The following VTI1A variants were observed in gnomAD, a reference collection of about 807,000 sequenced individuals.
The protein encoded by VTI1A is vesicle transport through interaction with t-SNAREs homolog 1A.
In VTI1A, 22 loss-of-function variants were observed where a neutral mutation model predicts 34.9. That is an observed-to-expected ratio of 0.63 (90% CI 0.45 to 0.90). The LOEUF is 0.90. Ranked by LOEUF, VTI1A falls within the 40% of genes least tolerant of loss-of-function variation. The pLI, the probability that VTI1A is intolerant of heterozygous loss-of-function variation, is 0.00. For synonymous variants in VTI1A, 87 were observed against 97.3 expected (o/e 0.89, Z 0.62); for missense variants, 268 against 275.6 (o/e 0.97, Z 0.20).
At chr10:112,697,596 A>G (rs1363003153) in intron 7 of VTI1A, among the ~76,000 whole-genome samples, 1 of 151,796 alleles carries the variant, frequency 6.6e-6, no homozygotes, top group Non-Finnish European at 1.5e-5. Context: ...GGGTTTCTCC[A>G]TGTTGGTCAG....
In VTI1A at chr10:112,644,678, T is replaced by C. The variant is rs552499234; in HGVS notation, c.428-23540T>C. 3.3e-5 allele frequency among the ~76,000 whole-genome samples: 5 copies of C among 152,338 alleles called. No individual in the cohort carries two copies. The South Asian group carries it at 8.3e-4, about 25-fold the overall frequency. On this transcript the variant is annotated intron_variant, in intron 5 of 7. Coordinates refer to ENST00000393077, the MANE Select transcript of VTI1A (RefSeq NM_145206.4). ...GTCAGTTTTTGATTAGAGCTGTAAA[T>C]GCTTTAATCAAGTGTAGTGTAGTCA...
At chr10:112,708,551 C>T (rs528086301) in intron 7 of VTI1A, among the ~76,000 whole-genome samples, 33 of 152,254 alleles carry the variant, frequency 2.2e-4, no homozygotes, top group African/African-American at 7.7e-4. Context: ...ACATATTTGA[C>T]AAGATTCTTT....
At chr10:112,685,865 T>C (rs1192923065) in intron 7 of VTI1A, among the ~76,000 whole-genome samples, 1 of 152,194 alleles carries the variant, frequency 6.6e-6, no homozygotes, top group African/African-American at 2.4e-5. Flanking sequence ...TCCCACTCCT[T>C]GACTCTGTTG....
intron 7 of VTI1A, among the ~76,000 whole-genome samples, chr10:112,710,623 T>G (rs901519935): frequency 2.0e-5 from 3 of 152,220 alleles, no homozygotes; most frequent in Non-Finnish European, 2.9e-5. Flanking sequence ...TTATATTTTT[T>G]AAGCAATGTC....
At chr10:112,823,028 T>C (rs1440679177), downstream of VTI1A, among the ~76,000 whole-genome samples, 1 of 152,250 alleles carries the variant, frequency 6.6e-6, no homozygotes, top group Non-Finnish European at 1.5e-5. Flanking sequence ...CACATTGCGA[T>C]GCCTGTGCCT....
chr10:112,702,442 CAG>C (rs1253990470), intron 7 of VTI1A, among the ~76,000 whole-genome samples: 3 of 152,174 alleles, frequency 2.0e-5, no homozygotes, highest in Non-Finnish European at 4.4e-5. Flanking sequence ...TGTTTTCAGA[CAG>C]AGTCTTGCTC....
chr10:112,557,306 C>T (rs542634216), intron 5 of VTI1A, among the ~76,000 whole-genome samples: 2 of 151,920 alleles, frequency 1.3e-5, no homozygotes, highest in Non-Finnish European at 2.9e-5. Flanking sequence ...GGAGTGTGTA[C>T]CTTGGCATGT....
At chr10:112,492,067 C>G (rs539956272) in intron 3 of VTI1A, among the ~76,000 whole-genome samples, 1 of 152,286 alleles carries the variant, frequency 6.6e-6, no homozygotes, top group African/African-American at 2.4e-5. Flanking sequence ...AATGTTCGAT[C>G]AAGGTTGGGC....
chr10:112,719,551 T>C (rs1355236104), intron 7 of VTI1A, among the ~76,000 whole-genome samples: 1 of 151,424 alleles, frequency 6.6e-6, no homozygotes, highest in South Asian at 2.1e-4. Context: ...TGTAGAACTT[T>C]TTTTTTTTTT....
intron 5 of VTI1A, among the ~76,000 whole-genome samples, chr10:112,546,204 T>TACACACAC (rs140142571): frequency 7.3e-6 from 1 of 136,182 alleles, no homozygotes; most frequent in African/African-American, 2.7e-5. Flanking sequence ...TATATATGCA[T>TACACACAC]ACACACACAC....
At chr10:112,643,164 CT>C (rs71035393) in intron 5 of VTI1A, among the ~76,000 whole-genome samples, 31 of 126,470 alleles carry the variant, frequency 2.5e-4, no homozygotes, top group Middle Eastern at 3.9e-3. Context: ...TTTTTTTTTT[CT>C]TTTTTTTTTT....
chr10:112,770,335 AAT>A (rs1251285103), intron 7 of VTI1A, among the ~76,000 whole-genome samples: 1 of 152,172 alleles, frequency 6.6e-6, no homozygotes, highest in Non-Finnish European at 1.5e-5. Flanking sequence ...ACACGAAAAC[AAT>A]AATTTGGCTG....
At chr10:112,841,779 G>T in the VTI1A span, among the ~76,000 whole-genome samples, 1 of 152,178 alleles carries the variant, frequency 6.6e-6, no homozygotes, top group Admixed American at 6.5e-5. Context: ...AGCATCCCCG[G>T]TGGCATCCAC....
intron 2 of VTI1A, among the ~76,000 whole-genome samples, chr10:112,464,118 C>G (rs1418329150): frequency 6.6e-6 from 1 of 152,158 alleles, no homozygotes; most frequent in Non-Finnish European, 1.5e-5. Flanking sequence ...CCTGCCTCAG[C>G]CTTCTGAGTA....
chr10:112,669,137 C>A, intron 7 of VTI1A, 139 bp downstream of exon 7: 1 of 889,330 alleles, frequency 1.1e-6, no homozygotes, highest in Non-Finnish European at 1.7e-6. Flanking sequence ...TTTGAAATAA[C>A]AGAGCACTGA....
rs553177622 is a variant in VTI1A at position 112,738,698 on chromosome 10, T to C, written c.560+69700T>C. ...CTGGATCTTAATGGTTATTTTCTTATAAGACTGTTGAGTTTACAGTACGAC... is the reference window on the plus strand; with the variant it reads ...CTGGATCTTAATGGTTATTTTCTTACAAGACTGTTGAGTTTACAGTACGAC... On this transcript the variant is annotated intron_variant, in intron 7 of 7. Coordinates refer to ENST00000393077, the MANE Select transcript of VTI1A (RefSeq NM_145206.4). Among the ~76,000 whole-genome samples the C allele has an allele frequency of 8.5e-5, 13 of 152,338 alleles. No individual in the cohort carries two copies. The South Asian group carries it at 2.5e-3, about 29-fold the overall frequency.
intron 4 of VTI1A, among the ~76,000 whole-genome samples, chr10:112,537,054 C>T (rs1483109671): frequency 4.6e-5 from 7 of 151,832 alleles, no homozygotes; most frequent in African/African-American, 1.7e-4. Context: ...TAGATCGTTT[C>T]GCTCGACAGC....
At chr10:112,527,218 C>G in intron 4 of VTI1A, 54 bp downstream of exon 4, 2 of 1,501,656 alleles carry the variant, frequency 1.3e-6, no homozygotes, top group Non-Finnish European at 1.9e-6. Context: ...AAGGAGGTCA[C>G]TGGCGCACTG....
At chr10:112,551,116 C>T (rs1016102735) in intron 5 of VTI1A, among the ~76,000 whole-genome samples, 28 of 151,828 alleles carry the variant, frequency 1.8e-4, no homozygotes, top group Non-Finnish European at 1.3e-4. Context: ...TGATAGTGGG[C>T]GCCTGTAGTC....
Sources: gnomAD v4.1 joint callset for allele counts (sites outside exome capture counted in the v4.1 genomes callset) on GRCh38, gnomAD v4.1.1 for gene constraint, MANE v1.5 for transcripts, NCBI Gene and HGNC (gene_info 2026-07-23, HGNC 2026-07-21) for gene names.